The following KCNQ5 variants were observed in gnomAD, a reference collection of about 807,000 sequenced individuals.
KCNQ5 encodes potassium voltage-gated channel subfamily Q member 5.
In KCNQ5, 30 loss-of-function variants were observed where a neutral mutation model predicts 98.2. That is an observed-to-expected ratio of 0.31 (90% CI 0.23 to 0.41). The LOEUF is 0.41. KCNQ5 is among the 10% of genes least tolerant of loss of function. KCNQ5 has a pLI of 1.00. For missense variants in KCNQ5, 835 were observed against 1,182.5 expected, an observed-to-expected ratio of 0.71 and a Z score of 4.31; for synonymous variants, 458 against 449.4, an observed-to-expected ratio of 1.02 and a Z score of -0.24.
rs777386945 is a variant in KCNQ5, at chr6:73,169,852, C to A, written c.1575C>A (p.Ile525=). The A allele has an allele frequency of 1.6e-4, 249 of 1,594,706 alleles. No homozygotes were observed. The highest frequency in any genetic ancestry group is 2.3e-4 in the Admixed American group (14 of 59,956). Reference sequence around the variant, plus strand: ...CACTTAAAACTGTCATTCGAGCTATCAGGTTGGTGAAAATCTTGAACAACG... The same window carrying A: ...CACTTAAAACTGTCATTCGAGCTATAAGGTTGGTGAAAATCTTGAACAACG... The part of the protein sequence containing the change: ...TPPLKTVIRA[I]RIMKFHVAKR... Residue 525 remains isoleucine, a splice_region_variant and synonymous_variant, in exon 11 of 14, where the codon ATC becomes ATA. Transcript: ENST00000370398.
rs942930747 is a variant in KCNQ5, at chr6:72,926,925, A to G, written c.399-76983A>G. On this transcript the variant is annotated intron_variant, in intron 1 of 13. Transcript: ENST00000370398. ...TTTTTTTCTCAGAAAGGTGTCTCAG[A>G]TAAGAGTTGTAGTTGCTAAGAACAA... 6.6e-5 allele frequency among the ~76,000 whole-genome samples: 10 copies of G among 152,194 alleles called. 1 individual carries two copies. The highest frequency in any genetic ancestry group is 1.3e-4 in the Non-Finnish European group (9 of 68,028).
At chr6:72,806,552 G>T (rs983767215) in intron 1 of KCNQ5, among the ~76,000 whole-genome samples, 1 of 152,142 alleles carries the variant, frequency 6.6e-6, no homozygotes, top group African/African-American at 2.4e-5. Flanking sequence ...AGCAACAGAC[G>T]AAGTAAGGCA....
chr6:73,131,533 A>G (rs1193640907), intron 9 of KCNQ5, among the ~76,000 whole-genome samples: 3 of 152,230 alleles, frequency 2.0e-5, no homozygotes, highest in East Asian at 1.9e-4. Flanking sequence ...GAACTAGATC[A>G]TTGTAAATTT....
intron 1 of KCNQ5, among the ~76,000 whole-genome samples, chr6:72,698,648 C>CTTCTTTTTTTTTTT (rs1554689823): frequency 3.2e-5 from 3 of 94,016 alleles, no homozygotes; most frequent in Non-Finnish European, 4.4e-5. Context: ...TCTTCTTCTT[C>CTTCTTTTTTTTTTT]TTTTTTTTTT....
At chr6:72,696,239 G>A (rs1768490576) in intron 1 of KCNQ5, among the ~76,000 whole-genome samples, 1 of 152,012 alleles carries the variant, frequency 6.6e-6, no homozygotes, top group African/African-American at 2.4e-5. Flanking sequence ...TAGTAACATG[G>A]GCAAACAGTG....
Position 73,103,021 on chromosome 6 carries a change from T to C in KCNQ5, c.919-2236T>C, listed in dbSNP as rs183752475. Among the ~76,000 whole-genome samples, 5 of 152,286 alleles carry C rather than the reference T, an allele frequency of 3.3e-5. No homozygotes were observed. The East Asian group carries it at 7.7e-4, about 24-fold the overall frequency. On this transcript the variant is annotated intron_variant, in intron 5 of 13. Coordinates refer to ENST00000370398, the MANE Select transcript of KCNQ5 (RefSeq NM_019842.4). ...TGCACTCTCATGTTTATTGCAGCAC[T>C]ATACACAATGGCCAAGATTTGGAAG...
chr6:72,987,200 G>A (rs1411893605), intron 1 of KCNQ5: 11 of 686,994 alleles, frequency 1.6e-5, no homozygotes, highest in East Asian at 2.9e-5. Flanking sequence ...TTGAGGAGCC[G>A]GCTCTGAAAA....
intron 1 of KCNQ5, among the ~76,000 whole-genome samples, chr6:72,682,588 G>A (rs79047153): frequency 2.0e-5 from 3 of 151,948 alleles, no homozygotes; most frequent in African/African-American, 7.3e-5. Flanking sequence ...CTCTTTCCCT[G>A]TCTCAGGAAT....
intron 1 of KCNQ5, among the ~76,000 whole-genome samples, chr6:72,889,882 A>G (rs1778993184): frequency 6.6e-6 from 1 of 152,302 alleles, no homozygotes; most frequent in South Asian, 2.1e-4. Context: ...GCCTTCTTGG[A>G]CATTTGCTAA....
chr6:72,762,755 G>A (rs1031793297), intron 1 of KCNQ5, among the ~76,000 whole-genome samples: 3 of 152,018 alleles, frequency 2.0e-5, no homozygotes, highest in African/African-American at 7.2e-5. Flanking sequence ...TATATTGTTT[G>A]CTGCTGTTTG....
chr6:72,795,639 G>A (rs1277048388), intron 1 of KCNQ5, among the ~76,000 whole-genome samples: 2 of 151,988 alleles, frequency 1.3e-5, no homozygotes, highest in Admixed American at 6.6e-5. Context: ...ATACTAGGTG[G>A]GAGTAATATA....
intron 3 of KCNQ5, among the ~76,000 whole-genome samples, chr6:73,071,047 C>T (rs1773280691): frequency 6.6e-6 from 1 of 151,976 alleles, no homozygotes; most frequent in Admixed American, 6.6e-5. Flanking sequence ...GACATGAAAT[C>T]CAGGCATCTA....
chr6:73,134,039 A>C (rs1225680798), intron 10 of KCNQ5: 1 of 470,830 alleles, frequency 2.1e-6, no homozygotes, highest in Non-Finnish European at 4.4e-6. Flanking sequence ...CTTGAAACAC[A>C]GTAAGGAGGA....
intron 11 of KCNQ5, among the ~76,000 whole-genome samples, chr6:73,179,595 C>T (rs948871167): frequency 1.3e-5 from 2 of 152,072 alleles, no homozygotes; most frequent in African/African-American, 4.8e-5. Context: ...GTAAATTAAC[C>T]CAAATAACCA....
At chr6:72,863,265 C>A (rs1777842078) in intron 1 of KCNQ5, among the ~76,000 whole-genome samples, 1 of 152,208 alleles carries the variant, frequency 6.6e-6, no homozygotes, top group African/African-American at 2.4e-5. Context: ...TTTCCAGACC[C>A]TTACATGTTA....
chr6:73,135,086 C>T (rs1210212157), intron 10 of KCNQ5: 1 of 152,202 alleles, frequency 6.6e-6, no homozygotes, highest in Non-Finnish European at 1.5e-5. Flanking sequence ...AGCCTAGACA[C>T]ATCCCACCTA....
intron 1 of KCNQ5, among the ~76,000 whole-genome samples, chr6:72,648,733 G>T (rs891290866): frequency 6.6e-6 from 1 of 150,594 alleles, no homozygotes; most frequent in Non-Finnish European, 1.5e-5. Context: ...ACCTAAGCCT[G>T]CAGAAATATA....
chr6:72,753,603 T>C (rs543707555), intron 1 of KCNQ5, among the ~76,000 whole-genome samples: 14 of 152,236 alleles, frequency 9.2e-5, no homozygotes, highest in African/African-American at 2.6e-4. Flanking sequence ...TTGCTGGTGA[T>C]TGTTTATAAA....
intron 1 of KCNQ5, among the ~76,000 whole-genome samples, chr6:72,834,608 C>T (rs938927451): frequency 3.3e-5 from 5 of 152,150 alleles, no homozygotes; most frequent in African/African-American, 1.2e-4. Context: ...GACTGAAGCA[C>T]AATTAAATTC....
Sources: allele counts gnomAD v4.1 joint callset (sites outside exome capture counted in the v4.1 genomes callset), GRCh38; gene constraint gnomAD v4.1.1; transcripts MANE v1.5; gene names NCBI Gene and HGNC (gene_info 2026-07-23, HGNC 2026-07-21).